PCDHGA7: variants seen among roughly 807,000 people sequenced by gnomAD.
PCDHGA7 encodes protocadherin gamma subfamily A, 7, also known as protocadherin gamma-A7.
A neutral mutation model predicts 58.3 loss-of-function variants in PCDHGA7; 44 were observed. The observed-to-expected ratio is 0.75, with a 90% confidence interval of 0.59 to 0.97. PCDHGA7 has a LOEUF of 0.97. Ranked by LOEUF, PCDHGA7 falls within the 50% of genes least tolerant of loss-of-function variation. The probability of loss-of-function intolerance (pLI) is 0.00; values close to 1 mark genes in which losing one functional copy is unlikely to be tolerated. For synonymous variants in PCDHGA7, 516 were observed against 504.2 expected, an observed-to-expected ratio of 1.02 and a Z score of -0.31; for missense variants, 1,266 against 1,188.7, an observed-to-expected ratio of 1.06 and a Z score of -0.96.
chr5:141,408,377 C>T (rs1322642798), intron 1 of PCDHGA7: 4 of 1,613,902 alleles, frequency 2.5e-6, no homozygotes, highest in Non-Finnish European at 3.4e-6. Context: ...GCTCAGTGTC[C>T]TGGATGTGTC....
At chr5:141,484,478 A>G (rs2099596967) in intron 1 of PCDHGA7, among the ~76,000 whole-genome samples, 1 of 152,244 alleles carries the variant, frequency 6.6e-6, no homozygotes, top group Admixed American at 6.5e-5. Context: ...CTTTTCTGCA[A>G]AGAGATGGAT....
At chr5:141,403,688 A>G (rs1385402830) in intron 1 of PCDHGA7, 1 of 1,613,836 alleles carries the variant, frequency 6.2e-7, no homozygotes, top group Non-Finnish European at 8.5e-7. Flanking sequence ...TGCTCAACGG[A>G]TTTACCGAGT....
At chr5:141,428,044 C>A in intron 1 of PCDHGA7, 1 of 1,608,790 alleles carries the variant, frequency 6.2e-7, no homozygotes, top group Non-Finnish European at 8.5e-7. Context: ...TACCTGGTGA[C>A]CAAGGTGGTG....
intron 1 of PCDHGA7, chr5:141,430,655 G>T (rs1309165721): frequency 1.6e-5 from 17 of 1,084,938 alleles, no homozygotes; most frequent in Non-Finnish European, 2.2e-5. Flanking sequence ...TGGAAACAAC[G>T]GAGGAGCTCT....
At chr5:141,389,537 C>T in intron 1 of PCDHGA7, 2 of 1,613,216 alleles carry the variant, frequency 1.2e-6, no homozygotes, top group Non-Finnish European at 8.5e-7. Context: ...TGTTAGTGGA[C>T]GACCGCAACG....
intron 1 of PCDHGA7, chr5:141,411,270 A>G (rs1299052773): frequency 6.6e-6 from 1 of 152,160 alleles, no homozygotes; most frequent in African/African-American, 2.4e-5. Context: ...ATATTTTTAA[A>G]GCCTAAAAAT....
In PCDHGA7 at chr5:141,409,379, A is replaced by G. The variant is rs376174246; in HGVS notation, c.2424+24056A>G. On this transcript the variant is annotated intron_variant, in intron 1 of 3. Transcript: ENST00000518325. ...TAATATAGAAACAGACATTCCATTC[A>G]AGATTTATTCTTCTTCCAATAACTA... is the stretch of plus-strand genomic sequence containing the variant. The G allele has an allele frequency of 1.5e-5, 25 of 1,613,926 alleles. No homozygotes were observed. The highest frequency in any genetic ancestry group is 2.0e-5 in the Non-Finnish European group (24 of 1,179,908).
At chr5:141,394,299 C>T (rs1420097652) in intron 1 of PCDHGA7, 1 of 1,613,884 alleles carries the variant, frequency 6.2e-7, no homozygotes, top group Non-Finnish European at 8.5e-7. Flanking sequence ...CGAGGACACG[C>T]TGCAGGGGGC....
rs1004176028 is a variant in PCDHGA7 at position 141,477,025 on chromosome 5, G to A, written c.2425-17782G>A. On this transcript the variant is annotated intron_variant, in intron 1 of 3. Transcript: ENST00000518325. This position sits in a 1 kb window ranked among gnomAD's most constrained non-coding sequence, Gnocchi z 4.9. ...TCGCCTTAGACCTTGTAACCGGGATGCTGACAATCAAGGGTCGGCTGGACT... is the reference window on the plus strand; with the variant it reads ...TCGCCTTAGACCTTGTAACCGGGATACTGACAATCAAGGGTCGGCTGGACT... 10 of 1,614,146 alleles carry A rather than the reference G, an allele frequency of 6.2e-6. No homozygotes were observed. Among genetic ancestry groups the A allele is most frequent in the East Asian group, 2.2e-5 (1 of 44,888 alleles).
intron 1 of PCDHGA7, chr5:141,419,710 C>T: frequency 6.2e-7 from 1 of 1,613,168 alleles, no homozygotes; most frequent in South Asian, 1.1e-5. Context: ...CCGGGCTCTT[C>T]AGCCTGGGGC....
At chr5:141,404,198 T>G in intron 1 of PCDHGA7, 1 of 1,613,554 alleles carries the variant, frequency 6.2e-7, no homozygotes, top group Non-Finnish European at 8.5e-7. Flanking sequence ...AGAAAAAGCC[T>G]CAGAATATAA....
intron 1 of PCDHGA7, among the ~76,000 whole-genome samples, chr5:141,463,966 A>C (rs923614502): frequency 4.6e-5 from 7 of 152,196 alleles, no homozygotes; most frequent in African/African-American, 1.7e-4. Context: ...AAATAGCTTC[A>C]TAAAACTCCA....
chr5:141,433,079 A>C, intron 1 of PCDHGA7: 1 of 1,614,208 alleles, frequency 6.2e-7, no homozygotes, highest in South Asian at 1.1e-5. Flanking sequence ...CCCCCAGCCC[A>C]ACTATGCAGA....
At chr5:141,434,658 T>C (rs1243599957) in intron 1 of PCDHGA7, among the ~76,000 whole-genome samples, 2 of 152,198 alleles carry the variant, frequency 1.3e-5, no homozygotes, top group African/African-American at 2.4e-5. Flanking sequence ...ATCTAATATC[T>C]ATAGAAATGA....
chr5:141,423,865 T>G, intron 1 of PCDHGA7: 1 of 1,285,992 alleles, frequency 7.8e-7, no homozygotes, highest in Non-Finnish European at 9.9e-7. Flanking sequence ...TTTGTGAAAG[T>G]CATTTTTCAA....
chr5:141,418,246 C>T lies in PCDHGA7; in HGVS notation c.2424+32923C>T, dbSNP rs200526306. 4.5e-5 allele frequency: 72 copies of T among 1,614,020 alleles called. No individual in the cohort carries two copies. The African/African-American group carries it at 8.9e-4, about 20-fold the overall frequency. On this transcript the variant is annotated intron_variant, in intron 1 of 3. Coordinates refer to ENST00000518325, the MANE Select transcript of PCDHGA7 (RefSeq NM_018920.4). The stretch of plus-strand genomic sequence containing the variant: ...TGGTGATTGAGGATGTTAATGACCA[C>T]GCCCCTCAATTCCGGAAAGATGAAA...
At chr5:141,419,897 A>C in intron 1 of PCDHGA7, 1 of 1,613,960 alleles carries the variant, frequency 6.2e-7, no homozygotes, top group Non-Finnish European at 8.5e-7. Context: ...CGACCATCCC[A>C]CACCCTCTGA....
chr5:141,475,542 G>A (rs1182059354), intron 1 of PCDHGA7, among the ~76,000 whole-genome samples: 1 of 152,174 alleles, frequency 6.6e-6, no homozygotes, highest in East Asian at 1.9e-4. Flanking sequence ...TTACAAGTAG[G>A]GTCCGGCTAA....
At chr5:141,454,970 G>A (rs2098808431) in intron 1 of PCDHGA7, among the ~76,000 whole-genome samples, 2 of 151,444 alleles carry the variant, frequency 1.3e-5, no homozygotes, top group African/African-American at 4.9e-5. Context: ...ACCACGCCTG[G>A]CTAATTTTTT....
Sources: allele counts gnomAD v4.1 joint callset (sites outside exome capture counted in the v4.1 genomes callset), GRCh38; gene constraint gnomAD v4.1.1; non-coding constraint Gnocchi (gnomAD v3.1); transcripts MANE v1.5; gene names NCBI Gene and HGNC (gene_info 2026-07-23, HGNC 2026-07-21).